The following TMEM14A variants were observed in gnomAD, a reference collection of about 807,000 sequenced individuals.
TMEM14A encodes the protein transmembrane protein 14A.
Under a neutral mutation model 11.6 loss-of-function variants are expected in TMEM14A, and 8 were observed. The observed-to-expected ratio is 0.69, with a 90% CI of 0.40 to 1.24. TMEM14A has a LOEUF of 1.24. Among genes scored for constraint, TMEM14A ranks in the 50% most tolerant of loss-of-function variants. The probability of loss-of-function intolerance (pLI) is 0.01; values close to 1 mark genes in which losing one functional copy is unlikely to be tolerated. For missense variants in TMEM14A, 108 were observed against 121.9 expected (o/e 0.89, Z 0.54); for synonymous variants, 34 against 45.5 (o/e 0.75, Z 1.02).
At chr6:52,682,635 G>T (rs1230418996) in intron 3 of TMEM14A, among the ~76,000 whole-genome samples, 1 of 151,102 alleles carries the variant, frequency 6.6e-6, no homozygotes, top group Non-Finnish European at 1.5e-5. Flanking sequence ...AGGGGCTAGG[G>T]ATATTTTTAG....
chr6:52,674,028 A>T (rs1383443965), intron 1 of TMEM14A, among the ~76,000 whole-genome samples: 1 of 152,234 alleles, frequency 6.6e-6, no homozygotes, highest in Non-Finnish European at 1.5e-5. Flanking sequence ...ACAGTATTAA[A>T]TCATTTAATT....
chr6:52,674,844 G>GTAAGTTC (rs1348591740), intron 1 of TMEM14A, among the ~76,000 whole-genome samples: 2 of 149,640 alleles, frequency 1.3e-5, no homozygotes, highest in African/African-American at 4.9e-5. Flanking sequence ...CTTCCTCATA[G>GTAAGTTC]TAAGTTCTAG....
intron 2 of TMEM14A, among the ~76,000 whole-genome samples, chr6:52,679,237 AC>A (rs1386207504): frequency 1.3e-5 from 2 of 152,130 alleles, no homozygotes; most frequent in East Asian, 1.9e-4. Context: ...GCCTGGGCTC[AC>A]CCCTCCTCCC....
At chr6:52,675,671 G>T (rs1769243285) in intron 1 of TMEM14A, among the ~76,000 whole-genome samples, 1 of 152,204 alleles carries the variant, frequency 6.6e-6, no homozygotes, top group Admixed American at 6.5e-5. Flanking sequence ...TTAGTGATTT[G>T]CCATTGATTA....
chr6:52,682,700 T>G (rs1561875789), intron 3 of TMEM14A, among the ~76,000 whole-genome samples: 1 of 152,054 alleles, frequency 6.6e-6, no homozygotes, highest in Non-Finnish European at 1.5e-5. Flanking sequence ...GGATTTTTAT[T>G]GATATGCATT....
At chr6:52,684,203 G>A (rs1391062375) in intron 4 of TMEM14A, 38 bp downstream of exon 4, 10 of 1,577,342 alleles carry the variant, frequency 6.3e-6, no homozygotes, top group Non-Finnish European at 7.8e-6. Flanking sequence ...TTCCTCTGCT[G>A]TTGTTTTGAA....
In TMEM14A at chr6:52,681,823, G is replaced by A. The variant is rs573713080; in HGVS notation, c.81G>A (p.Pro27=). Residue 27 remains proline, a synonymous_variant, in exon 3 of 5, where the codon CCG becomes CCA. Transcript: ENST00000211314. ...IFGYKRRGGV[P]SLIAGLFVGC... The stretch of plus-strand genomic sequence containing the variant: ...TTTTTCCCCTTCCAGGTGGTGTTCC[G>A]TCTTTGATTGCTGGTCTTTTTGTTG... 15 of 1,613,802 alleles carry A rather than the reference G, an allele frequency of 9.3e-6. No individual in the cohort carries two copies. The highest frequency in any genetic ancestry group is 1.6e-4 in the Middle Eastern group (1 of 6,062).
At chr6:52,672,410 A>G (rs1450965287) in intron 1 of TMEM14A, among the ~76,000 whole-genome samples, 4 of 152,102 alleles carry the variant, frequency 2.6e-5, no homozygotes, top group Non-Finnish European at 5.9e-5. Flanking sequence ...TAGGTCTAGA[A>G]GTTACACCTG....
chr6:52,683,071 G>C (rs1039210251), intron 3 of TMEM14A, among the ~76,000 whole-genome samples: 3 of 152,030 alleles, frequency 2.0e-5, no homozygotes, highest in African/African-American at 4.8e-5. Flanking sequence ...TCTCCTGTGG[G>C]TCCAAGTGTG....
intron 4 of TMEM14A, among the ~76,000 whole-genome samples, chr6:52,685,699 C>T (rs988412507): frequency 1.3e-5 from 2 of 152,030 alleles, no homozygotes; most frequent in African/African-American, 4.8e-5. Flanking sequence ...AGTTGGTCCT[C>T]GATTATTTTT....
chr6:52,673,327 C>G (rs950480082), intron 1 of TMEM14A, among the ~76,000 whole-genome samples: 2 of 147,596 alleles, frequency 1.4e-5, no homozygotes, highest in Non-Finnish European at 3.0e-5. Flanking sequence ...AGGGGCCATA[C>G]GGGGAATTGA....
intron 2 of TMEM14A, among the ~76,000 whole-genome samples, chr6:52,678,931 G>T (rs1422444201): frequency 6.6e-6 from 1 of 152,164 alleles, no homozygotes; most frequent in South Asian, 2.1e-4. Context: ...GAATGTGTGT[G>T]TAAAGTGAGT....
intron 2 of TMEM14A, among the ~76,000 whole-genome samples, chr6:52,680,669 G>GTGTGTATGTATATATA (rs1769360469): frequency 8.3e-5 from 3 of 35,966 alleles, no homozygotes; most frequent in Non-Finnish European, 1.8e-4. Flanking sequence ...ATATATATGT[G>GTGTGTATGTATATATA]TATATATATA....
chr6:52,685,942 A>G, intron 4 of TMEM14A, 68 bp from the exon 5 acceptor site: 5 of 1,512,080 alleles, frequency 3.3e-6, no homozygotes, highest in Non-Finnish European at 3.6e-6. Flanking sequence ...AGGCGAGTGC[A>G]TGGCCCTTTC....
intron 2 of TMEM14A, among the ~76,000 whole-genome samples, chr6:52,679,480 A>G (rs746428010): frequency 3.9e-5 from 6 of 152,110 alleles, no homozygotes; most frequent in Non-Finnish European, 7.4e-5. Flanking sequence ...GCAGGCTGCT[A>G]TTTGGACGAC....
At chr6:52,680,649 ATGTG>A (rs371258251) in intron 2 of TMEM14A, among the ~76,000 whole-genome samples, 1 of 48,350 alleles carries the variant, frequency 2.1e-5, no homozygotes, top group African/African-American at 5.9e-5. Flanking sequence ...GTGTATATAT[ATGTG>A]TGTGTATATA....
chr6:52,683,673 G>A (rs1036986742), intron 3 of TMEM14A, among the ~76,000 whole-genome samples: 4 of 151,536 alleles, frequency 2.6e-5, no homozygotes, highest in Non-Finnish European at 1.5e-5. Context: ...GTGCAGTGGC[G>A]TGATCTCAGT....
rs1554137485 is a variant in TMEM14A, at chr6:52,680,704, T to TACATATATATATATATAC, written c.71-1106_71-1105insTATATATATATATACACA. On this transcript the variant is annotated intron_variant, in intron 2 of 4. Transcript: ENST00000211314. ...ATATACATATATGTATATATATATA[T>TACATATATATATATATAC]ACACATATATATATGGCATGGATGA... Among the ~76,000 whole-genome samples the TACATATATATATATATAC allele has an allele frequency of 2.5e-3, 130 of 51,110 alleles. 16 individuals are homozygous for TACATATATATATATATAC. Among genetic ancestry groups the TACATATATATATATATAC allele is most frequent in the African/African-American group, 7.0e-3 (123 of 17,498 alleles). The allele number at this position is 51,110 out of a possible 152,430, so 33.5% of individuals were successfully genotyped here. A position where few individuals can be genotyped will look rare whatever the true frequency, so the allele number is the denominator to read the frequency against.
In TMEM14A at chr6:52,681,925, C is replaced by T. The variant is rs761100258; in HGVS notation, c.172+11C>T. On this transcript the variant is annotated intron_variant, in intron 3 of 4. Coordinates refer to ENST00000211314, the MANE Select transcript of TMEM14A (RefSeq NM_014051.4). ...TAAAAGTGTCACTGTGTAAGTAAGG[C>T]ATTTTTCCTGGTTACAGAGACTCAA... 6.2e-7 allele frequency: 1 copy of T among 1,608,816 alleles called. No homozygotes were observed. Among genetic ancestry groups the T allele is most frequent in the South Asian group, 1.1e-5 (1 of 90,818 alleles).
Sources: allele counts gnomAD v4.1 joint callset (sites outside exome capture counted in the v4.1 genomes callset), GRCh38; gene constraint gnomAD v4.1.1; transcripts MANE v1.5; gene names NCBI Gene and HGNC (gene_info 2026-07-23, HGNC 2026-07-21).